Variants in OR52N1 observed in about 807,000 individuals in gnomAD.
OR52N1 encodes the protein olfactory receptor family 52 subfamily N member 1.
OR52N1 carries 11 observed loss-of-function variants against 13.9 expected under a neutral mutation model. The ratio of observed to expected loss-of-function variants is 0.79; its 90% CI spans 0.50 to 1.31. The LOEUF (loss-of-function observed/expected upper bound fraction) is 1.31, where lower values mean the gene tolerates loss of function less well. OR52N1 is among the 40% of genes most tolerant of loss of function. OR52N1 has a pLI of 0.00. For missense variants in OR52N1, 414 were observed against 397.7 expected, an observed-to-expected ratio of 1.04 and a Z score of -0.35; for synonymous variants, 142 against 143.7, an observed-to-expected ratio of 0.99 and a Z score of 0.08.
chr11:5,788,863 G>T lies in OR52N1; in HGVS notation c.-44-3C>A. 1 of 1,432,860 alleles carries T rather than the reference G, an allele frequency of 7.0e-7. No individual in the cohort carries two copies. The highest frequency in any genetic ancestry group is 1.3e-5 in the South Asian group (1 of 75,324). The allele number at this position is 1,432,860 out of a possible 1,614,324, so 88.8% of individuals were successfully genotyped here. A position where few individuals can be genotyped will look rare whatever the true frequency, so the allele number is the denominator to read the frequency against. ...GTATAGCAGTTATAGCATTGCCTCTGTGAGCAGGAAATAAAAAAAAGAGTA... is the reference window on the plus strand; with the variant it reads ...GTATAGCAGTTATAGCATTGCCTCTTTGAGCAGGAAATAAAAAAAAGAGTA... On this transcript the variant is annotated splice_polypyrimidine_tract_variant and splice_region_variant and intron_variant, in intron 1 of 1. Transcript: ENST00000641645.
Position 5,788,834 on chromosome 11 carries a change from C to A in OR52N1, c.-18G>T. On this transcript the variant is annotated 5_prime_UTR_variant, in exon 2 of 2. It removes an upstream start codon present in the reference 5' UTR. Transcript: ENST00000641645. ...AATGACATAATGACTGTTGGAAGTTCATTGTATAGCAGTTATAGCATTGCC... is the reference window on the plus strand; with the variant it reads ...AATGACATAATGACTGTTGGAAGTTAATTGTATAGCAGTTATAGCATTGCC... 1.3e-6 allele frequency: 2 copies of A among 1,584,960 alleles called. No homozygotes were observed. Among genetic ancestry groups the A allele is most frequent in the South Asian group, 2.3e-5 (2 of 88,100 alleles).
intron 1 of OR52N1, among the ~76,000 whole-genome samples, chr11:5,789,967 G>C (rs889985672): frequency 2.0e-5 from 3 of 152,110 alleles, no homozygotes; most frequent in Non-Finnish European, 4.4e-5. Flanking sequence ...GTCTGAAGAA[G>C]TGGGCTATAT....
chr11:5,788,900 T>G, intron 1 of OR52N1, 40 bp from the exon 2 acceptor site: 2 of 1,405,164 alleles, frequency 1.4e-6, no homozygotes, highest in Non-Finnish European at 1.9e-6. Flanking sequence ...TTTCAAGGAG[T>G]GACTGACCAT....
Position 5,787,979 on chromosome 11 carries a change from C to G in OR52N1, c.838G>C (p.Ala280Pro). 7.4e-7 allele frequency: 1 copy of G among 1,360,270 alleles called. No homozygotes were observed. Among genetic ancestry groups the G allele is most frequent in the Non-Finnish European group, 9.8e-7 (1 of 1,025,070 alleles). The allele number at this position is 1,360,270 out of a possible 1,614,324, so 84.3% of individuals were successfully genotyped here. ...GGAGGCATTAGTAGGTAGAGATTAG[C>G]CATAATAATATGTATGTGTAGAGGA... ...TIPLHIHIIM[A>P]NLYLLMPPTM... is the part of the protein sequence containing the mutation. The change falls in exon 2 of 2, where the codon GCT becomes CCT. Residue 280 changes from alanine (A) to proline (P), a missense_variant. Physicochemically the swap from Ala to Pro is conservative, Grantham distance 27. Transcript: ENST00000641645.
chr11:5,788,203 G>T lies in OR52N1; in HGVS notation c.614C>A (p.Ala205Asp), dbSNP rs1854616097. The T allele has an allele frequency of 6.2e-7, 1 of 1,613,984 alleles. No individual in the cohort carries two copies. Reference protein sequence around the residue: ...RVNAIYGLIVALLIGGFDILC... With the variant: ...RVNAIYGLIVDLLIGGFDILC... Reference sequence around the variant, plus strand: ...GATATCAAAGCCCCCAATCAGCAGGGCAACTATCAAACCATAGATGGCGTT... The same window carrying T: ...GATATCAAAGCCCCCAATCAGCAGGTCAACTATCAAACCATAGATGGCGTT... Residue 205 changes from alanine to aspartate, a missense_variant, in exon 2 of 2, where the codon GCC becomes GAC. By Grantham distance (126) the Ala-to-Asp change is moderately radical (BLOSUM62 -2). Coordinates refer to ENST00000641645, the MANE Select transcript of OR52N1 (RefSeq NM_001001913.2).
At chr11:5,790,568 A>C (rs1854646886) in intron 1 of OR52N1, among the ~76,000 whole-genome samples, 1 of 152,094 alleles carries the variant, frequency 6.6e-6, no homozygotes, top group South Asian at 2.1e-4. Flanking sequence ...CCATTTTAAA[A>C]GCTAGGAGAA....
At position 5,787,644 on chromosome 11, in the gene OR52N1, C is replaced by G. The variant is rs1854606667; in HGVS notation, c.*210G>C. ...ATTAAATGCAGTGAACTTCGAAGTCCTCTATAGTAAAAAGGCTTTAAAGAA... is the reference window on the plus strand; with the variant it reads ...ATTAAATGCAGTGAACTTCGAAGTCGTCTATAGTAAAAAGGCTTTAAAGAA... On this transcript the variant is annotated 3_prime_UTR_variant, in exon 2 of 2. Coordinates refer to ENST00000641645, the MANE Select transcript of OR52N1 (RefSeq NM_001001913.2). The G allele has an allele frequency of 2.3e-6, 1 of 435,824 alleles. No individual in the cohort carries two copies. The highest frequency in any genetic ancestry group is 2.1e-5 in the African/African-American group (1 of 47,302). The allele number at this position is 435,824 out of a possible 1,614,324, so 27.0% of individuals were successfully genotyped here.
intron 1 of OR52N1, among the ~76,000 whole-genome samples, chr11:5,789,961 G>C (rs1205783859): frequency 6.6e-6 from 1 of 152,100 alleles, no homozygotes; most frequent in Non-Finnish European, 1.5e-5. Flanking sequence ...TCACGGGTCT[G>C]AAGAAGTGGG....
At chr11:5,789,268 C>A (rs1854631534) in intron 1 of OR52N1, among the ~76,000 whole-genome samples, 2 of 152,176 alleles carry the variant, frequency 1.3e-5, no homozygotes, top group Non-Finnish European at 2.9e-5. Context: ...TTAAATCTGT[C>A]CTAATGGACA....
chr11:5,788,832 T>A lies in OR52N1; in HGVS notation c.-16A>T. On this transcript the variant is annotated 5_prime_UTR_variant, in exon 2 of 2. Transcript: ENST00000641645. Reference sequence around the variant, plus strand: ...GAAATGACATAATGACTGTTGGAAGTTCATTGTATAGCAGTTATAGCATTG... The same window carrying A: ...GAAATGACATAATGACTGTTGGAAGATCATTGTATAGCAGTTATAGCATTG... 6.3e-7 allele frequency: 1 copy of A among 1,588,824 alleles called. No homozygotes were observed. Among genetic ancestry groups the A allele is most frequent in the Non-Finnish European group, 8.5e-7 (1 of 1,173,110 alleles).
chr11:5,788,069 T>C lies in OR52N1; in HGVS notation c.748A>G (p.Ile250Val). The change falls in exon 2 of 2, where the codon ATA becomes GTA. Residue 250 changes from isoleucine (I) to valine (V), a missense_variant. Physicochemically the swap from Ile to Val is conservative, Grantham distance 29 (BLOSUM62 3). Coordinates refer to ENST00000641645, the MANE Select transcript of OR52N1 (RefSeq NM_001001913.2). The part of the protein sequence containing the change: ...FSTCTAHFCA[I>V]VLTYVPAFFT... Reference sequence around the variant, plus strand: ...AAGGCTGGAACATAGGTGAGGACTATGGCACAGAAGTGGGCAGTGCAGGTG... The same window carrying C: ...AAGGCTGGAACATAGGTGAGGACTACGGCACAGAAGTGGGCAGTGCAGGTG... The C allele has an allele frequency of 6.2e-7, 1 of 1,613,014 alleles. No homozygotes were observed. Among genetic ancestry groups the C allele is most frequent in the Non-Finnish European group, 8.5e-7 (1 of 1,179,140 alleles).
intron 1 of OR52N1, among the ~76,000 whole-genome samples, chr11:5,790,328 A>T (rs1854643088): frequency 6.6e-6 from 1 of 152,098 alleles, no homozygotes; most frequent in African/African-American, 2.4e-5. Flanking sequence ...TGTGAAATAG[A>T]GGCAACTCAC....
In OR52N1 at chr11:5,788,031, A is replaced by G; in HGVS notation, c.786T>C (p.Phe262=). 2 of 1,201,900 alleles carry G rather than the reference A, an allele frequency of 1.7e-6. No homozygotes were observed. The highest frequency in any genetic ancestry group is 2.2e-6 in the Non-Finnish European group (2 of 888,996). The allele number at this position is 1,201,900 out of a possible 1,614,324, so 74.5% of individuals were successfully genotyped here. ...TGGTGTGTCCCCCAAAATGGTGTGT[A>G]AAGAAGGTAAAGAAGGCTGGAACAT... ...LTYVPAFFTF[F]THHFGGHTIP... Residue 262 remains phenylalanine, a synonymous_variant, in exon 2 of 2, where the codon TTT becomes TTC. Coordinates refer to ENST00000641645, the MANE Select transcript of OR52N1 (RefSeq NM_001001913.2).
At chr11:5,790,505 G>A (rs1854646049) in intron 1 of OR52N1, among the ~76,000 whole-genome samples, 1 of 152,038 alleles carries the variant, frequency 6.6e-6, no homozygotes, top group Non-Finnish European at 1.5e-5. Context: ...ATTGAAATGT[G>A]AATATTTTAT....
At chr11:5,789,882 G>A (rs1248488758) in intron 1 of OR52N1, among the ~76,000 whole-genome samples, 1 of 152,064 alleles carries the variant, frequency 6.6e-6, no homozygotes, top group African/African-American at 2.4e-5. Flanking sequence ...AATATTTGGT[G>A]TGATAGTGTG....
rs564106595 is a variant in OR52N1 at position 5,787,080 on chromosome 11, C to T, written c.*774G>A. On this transcript the variant is annotated 3_prime_UTR_variant, in exon 2 of 2. Transcript: ENST00000641645. ...ACTAAGTTGATACACCCTGCAACTACCATCCAGGTCAAGAACTAATCAACG... is the reference window on the plus strand; with the variant it reads ...ACTAAGTTGATACACCCTGCAACTATCATCCAGGTCAAGAACTAATCAACG... 1 of 139,728 alleles carries T rather than the reference C, an allele frequency of 7.2e-6. No individual in the cohort carries two copies. Among genetic ancestry groups the T allele is most frequent in the African/African-American group, 2.6e-5 (1 of 38,136 alleles). The allele number at this position is 139,728 out of a possible 1,614,324, so 8.7% of individuals were successfully genotyped here. A position where few individuals can be genotyped will look rare whatever the true frequency, so the allele number is the denominator to read the frequency against.
rs920469673 is a variant in OR52N1, at chr11:5,787,181, C to T, written c.*673G>A. On this transcript the variant is annotated 3_prime_UTR_variant, in exon 2 of 2. Coordinates refer to ENST00000641645, the MANE Select transcript of OR52N1 (RefSeq NM_001001913.2). The stretch of plus-strand genomic sequence containing the variant: ...TTAAACATTATCTCAGTTAGTTTGG[C>T]CTACTTCTGAACTGTACATCAATGA... The T allele has an allele frequency of 7.1e-6, 1 of 140,006 alleles. No homozygotes were observed. Among genetic ancestry groups the T allele is most frequent in the Non-Finnish European group, 1.6e-5 (1 of 63,380 alleles). 8.7% of individuals were successfully genotyped at this position (140,006 alleles called of 1,614,324 possible).
chr11:5,790,450 C>A (rs1314059562), intron 1 of OR52N1, among the ~76,000 whole-genome samples: 4 of 151,854 alleles, frequency 2.6e-5, no homozygotes, highest in South Asian at 2.1e-4. Flanking sequence ...GCTTTCACAG[C>A]CAGAGGGAAT....
rs560349267 is a variant in OR52N1 at position 5,789,393 on chromosome 11, G to A, written c.-44-533C>T. ...CTTGTAGCTGTAGTTTTCTTGAAGCGAAATCATAGAATGATCTTAGAGGCA... is the reference window on the plus strand; with the variant it reads ...CTTGTAGCTGTAGTTTTCTTGAAGCAAAATCATAGAATGATCTTAGAGGCA... On this transcript the variant is annotated intron_variant, in intron 1 of 1. Transcript: ENST00000641645. 4.6e-5 allele frequency among the ~76,000 whole-genome samples: 7 copies of A among 152,094 alleles called. 1 individual carries two copies. Among genetic ancestry groups the A allele is most frequent in the African/African-American group, 1.4e-4 (6 of 41,496 alleles).
Sources: gnomAD v4.1 joint callset for allele counts (sites outside exome capture counted in the v4.1 genomes callset) on GRCh38, gnomAD v4.1.1 for gene constraint, MANE v1.5 for transcripts, NCBI Gene and HGNC (gene_info 2026-07-23, HGNC 2026-07-21) for gene names.